Variants in CSMD1 observed in about 807,000 individuals in gnomAD.
CSMD1 encodes CUB and sushi domain-containing protein 1.
A neutral mutation model predicts 417.5 loss-of-function variants in CSMD1; 213 were observed. The observed-to-expected ratio is 0.51, with a 90% confidence interval of 0.46 to 0.57. The LOEUF (loss-of-function observed/expected upper bound fraction) is 0.57, where lower values mean the gene tolerates loss of function less well. CSMD1 is among the 20% of genes least tolerant of loss of function. The probability of loss-of-function intolerance (pLI) is 0.00; values close to 1 mark genes in which losing one functional copy is unlikely to be tolerated. For missense variants in CSMD1, 6,923 were observed against 4,529.7 expected (o/e 1.53, Z -15.17); for synonymous variants, 2,862 against 1,736.8 (o/e 1.65, Z -16.11).
chr8:3,997,412 A>AT (rs1374667298), intron 5 of CSMD1, among the ~76,000 whole-genome samples: 1 of 151,804 alleles, frequency 6.6e-6, no homozygotes, highest in East Asian at 1.9e-4. Context: ...GTGTTAAGTT[A>AT]TTTTGCCTTT....
At chr8:4,603,049 A>G (rs1800680476) in intron 2 of CSMD1, among the ~76,000 whole-genome samples, 1 of 152,018 alleles carries the variant, frequency 6.6e-6, no homozygotes, top group African/African-American at 2.4e-5. Flanking sequence ...CTAAAAATGA[A>G]CTAAAAGTAT....
chr8:3,404,502 G>C (rs1357275001), intron 15 of CSMD1, among the ~76,000 whole-genome samples: 1 of 152,122 alleles, frequency 6.6e-6, no homozygotes, highest in Non-Finnish European at 1.5e-5. Flanking sequence ...GCTCTGCTTA[G>C]AGTCCTTGAT....
At chr8:4,039,465 C>T (rs563553980) in intron 3 of CSMD1, among the ~76,000 whole-genome samples, 1 of 152,168 alleles carries the variant, frequency 6.6e-6, no homozygotes, top group Non-Finnish European at 1.5e-5. Flanking sequence ...CCTTACATTT[C>T]TTCTCTTTAC....
intron 12 of CSMD1, among the ~76,000 whole-genome samples, chr8:3,441,305 G>T (rs1259698710): frequency 6.6e-6 from 1 of 151,902 alleles, no homozygotes; most frequent in Non-Finnish European, 1.5e-5. Context: ...CATTTGTGGT[G>T]GTTAGTTTCC....
At position 3,493,640 on chromosome 8, in the gene CSMD1, G is replaced by T. The variant is rs374322664; in HGVS notation, c.1431C>A (p.Thr477=). ...TVGDAGKVGD[T]RSVLYVLTGS... ...ATACTCACACGTACAAGACCGATCT[G>T]GTGTCTCCCACCTTCCCAGCATCAC... Residue 477 remains threonine (T), a synonymous_variant, in exon 11 of 70, where the codon ACC becomes ACA. Transcript: ENST00000635120. The T allele has an allele frequency of 1.9e-6, 3 of 1,610,730 alleles. No homozygotes were observed. The highest frequency in any genetic ancestry group is 4.5e-5 in the East Asian group (2 of 44,744).
At chr8:4,931,762 G>C (rs1309225644) in intron 1 of CSMD1, among the ~76,000 whole-genome samples, 3 of 152,190 alleles carry the variant, frequency 2.0e-5, no homozygotes, top group African/African-American at 7.2e-5. Context: ...GGAGAGAATG[G>C]CTACCACAGA....
At chr8:4,635,149 C>G (rs1397205020) in intron 2 of CSMD1, among the ~76,000 whole-genome samples, 2 of 152,094 alleles carry the variant, frequency 1.3e-5, no homozygotes, top group Non-Finnish European at 2.9e-5. Flanking sequence ...CCTAAGTAGG[C>G]TCTTTCTTAT....
chr8:4,556,329 T>G (rs1446595431), intron 2 of CSMD1, among the ~76,000 whole-genome samples: 2 of 152,220 alleles, frequency 1.3e-5, no homozygotes, highest in Non-Finnish European at 2.9e-5. Flanking sequence ...GAATACCTAT[T>G]TTAAATAATG....
At chr8:4,352,650 A>G (rs1801165452) in intron 3 of CSMD1, among the ~76,000 whole-genome samples, 2 of 152,212 alleles carry the variant, frequency 1.3e-5, no homozygotes, top group Admixed American at 6.5e-5. Flanking sequence ...ACAGCATACT[A>G]TTTCCCCTAT....
At chr8:4,763,026 C>A (rs1047209624) in intron 1 of CSMD1, among the ~76,000 whole-genome samples, 2 of 152,146 alleles carry the variant, frequency 1.3e-5, no homozygotes, top group African/African-American at 4.8e-5. Flanking sequence ...TGAGTTTACC[C>A]TGCACCCCTA....
At chr8:3,471,011 A>C (rs1166311940) in intron 11 of CSMD1, among the ~76,000 whole-genome samples, 1 of 152,130 alleles carries the variant, frequency 6.6e-6, no homozygotes. Context: ...TGTGAGCATA[A>C]ATCTTCATTT....
intron 1 of CSMD1, among the ~76,000 whole-genome samples, chr8:4,993,316 C>A (rs1168206013): frequency 6.7e-6 from 1 of 149,208 alleles, no homozygotes; most frequent in Non-Finnish European, 1.5e-5. Flanking sequence ...ATAAAGAAAG[C>A]ATCTAAGGAG....
At chr8:4,366,867 A>G (rs1802104882) in intron 3 of CSMD1, among the ~76,000 whole-genome samples, 1 of 151,930 alleles carries the variant, frequency 6.6e-6, no homozygotes, top group South Asian at 2.1e-4. Flanking sequence ...GTGCCTGTTC[A>G]TGTCCTTGCC....
At chr8:3,466,577 A>ATTTTTTTTTTTT (rs35761429) in intron 12 of CSMD1, among the ~76,000 whole-genome samples, 14 of 113,608 alleles carry the variant, frequency 1.2e-4, no homozygotes, top group African/African-American at 3.4e-4. Flanking sequence ...CAATCAGCTA[A>ATTTTTTTTTTTT]TTTTTTTTTT....
chr8:3,673,881 G>A lies in CSMD1; in HGVS notation c.1009+34533C>T, dbSNP rs577905034. ...CCCTGTAATCCTAGCACTTTGGGAGGCCAAGGCAGGCAGAATGCTTGAGCT... is the reference window on the plus strand; with the variant it reads ...CCCTGTAATCCTAGCACTTTGGGAGACCAAGGCAGGCAGAATGCTTGAGCT... On this transcript the variant is annotated intron_variant, in intron 7 of 69. Coordinates refer to ENST00000635120, the MANE Select transcript of CSMD1 (RefSeq NM_033225.6). 9.2e-5 allele frequency among the ~76,000 whole-genome samples: 14 copies of A among 152,270 alleles called. No individual in the cohort carries two copies. In the East Asian group the frequency reaches 2.1e-3, roughly 23 times the overall value.
intron 1 of CSMD1, among the ~76,000 whole-genome samples, chr8:4,877,750 A>T (rs926406371): frequency 1.3e-5 from 2 of 152,136 alleles, no homozygotes; most frequent in Non-Finnish European, 2.9e-5. Context: ...TGCACTTTCA[A>T]AGGATGTATT....
At chr8:3,537,178 T>A (rs1348241427) in intron 10 of CSMD1, among the ~76,000 whole-genome samples, 2 of 152,094 alleles carry the variant, frequency 1.3e-5, no homozygotes, top group Admixed American at 6.6e-5. Context: ...TAATTTGTTG[T>A]ATTTTAAGAG....
intron 23 of CSMD1, among the ~76,000 whole-genome samples, chr8:3,312,222 T>TTTTC (rs541558498): frequency 6.6e-6 from 1 of 152,196 alleles, no homozygotes; most frequent in South Asian, 2.1e-4. Context: ...TATCAAAAGT[T>TTTTC]TTTCTTTCTG....
intron 3 of CSMD1, among the ~76,000 whole-genome samples, chr8:4,146,558 C>T (rs1030923373): frequency 4.4e-5 from 6 of 136,906 alleles, no homozygotes; most frequent in Non-Finnish European, 7.7e-5. Flanking sequence ...GGGAAGGAAG[C>T]TCCATTATTA....
Sources: allele counts gnomAD v4.1 joint callset (sites outside exome capture counted in the v4.1 genomes callset), GRCh38; gene constraint gnomAD v4.1.1; transcripts MANE v1.5; gene names NCBI Gene and HGNC (gene_info 2026-07-23, HGNC 2026-07-21).